SLCO1B3: variants seen among roughly 807,000 people sequenced by gnomAD.
SLCO1B3 encodes the protein liver-specific organic anion transporter 2.
In SLCO1B3, 72 loss-of-function variants were observed where a neutral mutation model predicts 71.8. The observed-to-expected ratio is 1.00, with a 90% CI of 0.83 to 1.22. SLCO1B3 has a LOEUF of 1.22. SLCO1B3 is among the 50% of genes most tolerant of loss of function. The pLI is 0.00. For synonymous variants in SLCO1B3, 298 were observed against 278.4 expected (o/e 1.07, Z -0.70); for missense variants, 911 against 819.7 (o/e 1.11, Z -1.36).
chr12:20,865,116 C>T (rs1343582085), intron 8 of SLCO1B3, among the ~76,000 whole-genome samples: 2 of 152,076 alleles, frequency 1.3e-5, no homozygotes, highest in Non-Finnish European at 2.9e-5. Flanking sequence ...CAGGACATAT[C>T]TAGCTTGGTT....
chr12:20,864,177 T>C (rs539096028), intron 8 of SLCO1B3, among the ~76,000 whole-genome samples: 3 of 152,222 alleles, frequency 2.0e-5, no homozygotes, highest in South Asian at 4.1e-4. Flanking sequence ...TTTCAACATG[T>C]GACTTTTCTC....
At chr12:20,870,940 T>C (rs947803121) in intron 8 of SLCO1B3, among the ~76,000 whole-genome samples, 4 of 152,308 alleles carry the variant, frequency 2.6e-5, no homozygotes, top group Admixed American at 2.6e-4. Flanking sequence ...TCAATTGAAA[T>C]GATCATATGA....
intron 11 of SLCO1B3, among the ~76,000 whole-genome samples, chr12:20,880,119 C>T (rs1192306847): frequency 9.3e-6 from 1 of 107,810 alleles, no homozygotes; most frequent in African/African-American, 2.8e-5. Context: ...CATATCTTTA[C>T]AAAACAAATA....
intron 3 of SLCO1B3, among the ~76,000 whole-genome samples, chr12:20,818,017 C>T (rs969824982): frequency 2.2e-4 from 34 of 152,078 alleles, no homozygotes; most frequent in Admixed American, 1.0e-3. Flanking sequence ...TAGTTGAGAA[C>T]GGTGAATAGG....
At position 20,875,408 on chromosome 12, in the gene SLCO1B3, A is replaced by G. The variant is rs756852295; in HGVS notation, c.901A>G (p.Thr301Ala). The stretch of plus-strand genomic sequence containing the variant: ...TTCACTATCATTGCATGTGCTGAAA[A>G]CAAATGATGATAGAAATCAAACAGC... Reference protein sequence around the residue: ...KISLSLHVLKTNDDRNQTANL... With the variant: ...KISLSLHVLKANDDRNQTANL... Residue 301 changes from threonine (T) to alanine (A), a missense_variant, in exon 9 of 16, where the codon ACA becomes GCA. Thr to Ala is a moderately conservative substitution (Grantham distance 58). Coordinates refer to ENST00000381545, the MANE Select transcript of SLCO1B3 (RefSeq NM_019844.4). 1.2e-6 allele frequency: 2 copies of G among 1,608,040 alleles called. No homozygotes were observed. The highest frequency in any genetic ancestry group is 1.7e-4 in the Middle Eastern group (1 of 6,046).
intron 3 of SLCO1B3, among the ~76,000 whole-genome samples, chr12:20,818,222 T>G (rs1435056544): frequency 6.6e-6 from 1 of 152,174 alleles, no homozygotes; most frequent in Non-Finnish European, 1.5e-5. Flanking sequence ...TAGTGTCCAG[T>G]CCTTTTTAAG....
intron 9 of SLCO1B3, among the ~76,000 whole-genome samples, 167 bp downstream of exon 9, chr12:20,875,644 G>T (rs576256607): frequency 6.6e-6 from 1 of 152,174 alleles, no homozygotes; most frequent in African/African-American, 2.4e-5. Flanking sequence ...TAACAAATAT[G>T]TCTTGAGTAC....
intron 15 of SLCO1B3, among the ~76,000 whole-genome samples, chr12:20,907,570 G>A (rs553185494): frequency 6.3e-4 from 92 of 146,340 alleles, no homozygotes; most frequent in East Asian, 1.4e-3. Flanking sequence ...GTGCAGTAGC[G>A]AAATCTCGGC....
intron 8 of SLCO1B3, among the ~76,000 whole-genome samples, chr12:20,874,734 G>A (rs963519743): frequency 6.6e-6 from 1 of 152,154 alleles, no homozygotes; most frequent in African/African-American, 2.4e-5. Context: ...TGTGCTGTCT[G>A]GAGAGTTGCA....
intron 3 of SLCO1B3, chr12:20,845,194 A>AC: frequency 2.6e-6 from 1 of 391,216 alleles, no homozygotes. Flanking sequence ...GCCACATGGG[A>AC]GAAGCAGATC....
chr12:20,865,340 T>A (rs1329280300), intron 8 of SLCO1B3, among the ~76,000 whole-genome samples: 1 of 152,124 alleles, frequency 6.6e-6, no homozygotes, highest in African/African-American at 2.4e-5. Flanking sequence ...TAGCAAATAA[T>A]ATATTTCTAA....
intron 15 of SLCO1B3, chr12:20,902,109 A>T (rs1591790221): frequency 4.3e-6 from 1 of 233,772 alleles, no homozygotes; most frequent in East Asian, 1.6e-4. Flanking sequence ...TGTGTTTGTA[A>T]GTATGACCCA....
intron 8 of SLCO1B3, among the ~76,000 whole-genome samples, chr12:20,863,444 A>T (rs1417716775): frequency 6.6e-6 from 1 of 152,198 alleles, no homozygotes; most frequent in Non-Finnish European, 1.5e-5. Flanking sequence ...CTCCTCTTGT[A>T]GAAGAATAAG....
At chr12:20,875,520 C>T (rs1220350019) in intron 9 of SLCO1B3, 43 bp downstream of exon 9, 2 of 1,564,992 alleles carry the variant, frequency 1.3e-6, no homozygotes, top group East Asian at 4.5e-5. Context: ...TTGTTAATCT[C>T]AATGAAACGG....
intron 13 of SLCO1B3, among the ~76,000 whole-genome samples, chr12:20,895,326 C>A (rs922655929): frequency 7.2e-5 from 11 of 152,312 alleles, no homozygotes; most frequent in Admixed American, 3.9e-4. Context: ...AGTCAAGTCC[C>A]TTCCACCTAT....
chr12:20,814,761 C>A (rs555348203), intron 2 of SLCO1B3, among the ~76,000 whole-genome samples: 5 of 151,712 alleles, frequency 3.3e-5, no homozygotes, highest in Admixed American at 6.6e-5. Context: ...CGTTGTGGCA[C>A]GCACCTGCGC....
At chr12:20,862,598 C>T in intron 7 of SLCO1B3, 40 bp downstream of exon 7, 2 of 1,539,298 alleles carry the variant, frequency 1.3e-6, no homozygotes, top group Middle Eastern at 3.4e-4. Context: ...ATTACATTCC[C>T]TGGATCTACC....
At chr12:20,867,432 C>CAA (rs767081668) in intron 8 of SLCO1B3, among the ~76,000 whole-genome samples, 2 of 131,354 alleles carry the variant, frequency 1.5e-5, no homozygotes, top group African/African-American at 2.8e-5. Flanking sequence ...TGGATATGGC[C>CAA]AAAAAAAAAA....
chr12:20,827,175 C>T (rs1040515059), intron 3 of SLCO1B3, among the ~76,000 whole-genome samples: 10 of 152,234 alleles, frequency 6.6e-5, no homozygotes, highest in African/African-American at 2.4e-4. Flanking sequence ...TTATAACCCT[C>T]ATGCCAAATT....
Sources: allele counts gnomAD v4.1 joint callset (sites outside exome capture counted in the v4.1 genomes callset), GRCh38; gene constraint gnomAD v4.1.1; transcripts MANE v1.5; gene names NCBI Gene and HGNC (gene_info 2026-07-23, HGNC 2026-07-21).